The following MEGF10 variants were observed in gnomAD, a reference collection of about 807,000 sequenced individuals.
MEGF10 encodes the protein multiple EGF like domains 10.
A neutral mutation model predicts 147.5 loss-of-function variants in MEGF10; 86 were observed. That is an observed-to-expected ratio of 0.58 (90% CI 0.49 to 0.70). The LOEUF is 0.70. Among genes scored for constraint, MEGF10 ranks in the 30% least tolerant of loss-of-function variants. The probability of loss-of-function intolerance (pLI) is 0.00; values close to 1 mark genes in which losing one functional copy is unlikely to be tolerated. For missense variants in MEGF10, 1,329 were observed against 1,487.3 expected (o/e 0.89, Z 1.75); for synonymous variants, 478 against 525.5 (o/e 0.91, Z 1.24).
chr5:127,248,046 G>C, the MEGF10 span, among the ~76,000 whole-genome samples: 1 of 152,070 alleles, frequency 6.6e-6, no homozygotes, highest in African/African-American at 2.4e-5. Context: ...ACTGCTAAGA[G>C]ATATTGCAGT....
At chr5:127,292,814 G>A (rs1347850171) in intron 1 of MEGF10, among the ~76,000 whole-genome samples, 1 of 152,100 alleles carries the variant, frequency 6.6e-6, no homozygotes, top group Non-Finnish European at 1.5e-5. Flanking sequence ...TGTTCAGTAA[G>A]TATTTATTAA....
At chr5:127,252,786 A>G in the MEGF10 span, among the ~76,000 whole-genome samples, 1 of 151,970 alleles carries the variant, frequency 6.6e-6, no homozygotes, top group Non-Finnish European at 1.5e-5. Context: ...ATGAAACATA[A>G]TAGAAGAATA....
chr5:127,419,627 T>A (rs1764909929), intron 11 of MEGF10, among the ~76,000 whole-genome samples: 1 of 152,324 alleles, frequency 6.6e-6, no homozygotes, highest in African/African-American at 2.4e-5. Context: ...ATATACACAG[T>A]TGCTGGTTAA....
chr5:127,370,053 C>T (rs747591984), intron 5 of MEGF10, 51 bp downstream of exon 5: 2 of 1,406,494 alleles, frequency 1.4e-6, no homozygotes, highest in East Asian at 2.3e-5. Context: ...GCTGTAAGGC[C>T]CTCCTTGTCT....
At chr5:127,243,365 T>G in the MEGF10 span, among the ~76,000 whole-genome samples, 2 of 152,178 alleles carry the variant, frequency 1.3e-5, no homozygotes, top group Non-Finnish European at 1.5e-5. Flanking sequence ...TCAAAATGTT[T>G]TTAGTAGGGG....
At chr5:127,410,675 G>A (rs1764524296) in intron 9 of MEGF10, 74 bp downstream of exon 9, 3 of 1,350,322 alleles carry the variant, frequency 2.2e-6, no homozygotes, top group South Asian at 2.5e-5. Context: ...TTGGAAGGAG[G>A]GATTGATAGA....
At chr5:127,319,656 A>T (rs1228121452) in intron 1 of MEGF10, among the ~76,000 whole-genome samples, 1 of 152,220 alleles carries the variant, frequency 6.6e-6, no homozygotes, top group Non-Finnish European at 1.5e-5. Context: ...GATTGAGTAG[A>T]CATAATTCAC....
the MEGF10 span, among the ~76,000 whole-genome samples, chr5:127,253,854 C>T: frequency 2.0e-5 from 3 of 152,010 alleles, no homozygotes; most frequent in African/African-American, 7.2e-5. Context: ...GATGTCAGTT[C>T]TCCTTAAATT....
chr5:127,238,869 G>GT, the MEGF10 span, among the ~76,000 whole-genome samples: 1,382 of 152,192 alleles, frequency 9.1e-3, 30 homozygotes, highest in African/African-American at 0.032. Flanking sequence ...GTCCTTGTCT[G>GT]GTTTCCACAG....
chr5:127,457,114 C>A lies in MEGF10; in HGVS notation c.3233-14C>A. 6.3e-7 allele frequency: 1 copy of A among 1,586,990 alleles called. No individual in the cohort carries two copies. The highest frequency in any genetic ancestry group is 8.6e-7 in the Non-Finnish European group (1 of 1,167,286). On this transcript the variant is annotated splice_polypyrimidine_tract_variant and intron_variant, in intron 24 of 24. Coordinates refer to ENST00000503335, the MANE Select transcript of MEGF10 (RefSeq NM_001256545.2). ...TCCTTTGCTGATAAATTAATATGTCCTTGGTTATCACAGAACCTACAGTGA... is the reference window on the plus strand; with the variant it reads ...TCCTTTGCTGATAAATTAATATGTCATTGGTTATCACAGAACCTACAGTGA...
At chr5:127,252,877 T>C in the MEGF10 span, among the ~76,000 whole-genome samples, 1 of 152,052 alleles carries the variant, frequency 6.6e-6, no homozygotes, top group East Asian at 1.9e-4. Context: ...CCTATGACTT[T>C]AGCACTGTTT....
chr5:127,310,725 G>A (rs1329685185), intron 1 of MEGF10, among the ~76,000 whole-genome samples: 1 of 152,190 alleles, frequency 6.6e-6, no homozygotes, highest in Non-Finnish European at 1.5e-5. Context: ...AGAAAAGAGG[G>A]AGTGAGGGAA....
the MEGF10 span, among the ~76,000 whole-genome samples, chr5:127,264,145 G>T: frequency 6.6e-6 from 1 of 152,056 alleles, no homozygotes; most frequent in Non-Finnish European, 1.5e-5. Flanking sequence ...TATAAATAAG[G>T]TACTTTTTAA....
chr5:127,266,274 G>A, the MEGF10 span, among the ~76,000 whole-genome samples: 100 of 151,728 alleles, frequency 6.6e-4, 1 homozygote, highest in Non-Finnish European at 1.3e-3. Context: ...TGTTCCATTG[G>A]TCTATATCTC....
the MEGF10 span, among the ~76,000 whole-genome samples, chr5:127,264,016 T>C: frequency 6.6e-6 from 1 of 152,102 alleles, no homozygotes; most frequent in Non-Finnish European, 1.5e-5. Context: ...AGACAAATAA[T>C]ATTCCTCACC....
chr5:127,454,145 T>C (rs1366474634), intron 22 of MEGF10, among the ~76,000 whole-genome samples: 2 of 152,234 alleles, frequency 1.3e-5, no homozygotes, highest in Admixed American at 1.3e-4. Context: ...AACATGCTTA[T>C]AGTGAAGACA....
intron 5 of MEGF10, among the ~76,000 whole-genome samples, chr5:127,394,935 G>T (rs968415456): frequency 9.9e-5 from 15 of 152,154 alleles, no homozygotes; most frequent in African/African-American, 3.4e-4. Context: ...TTGATATTAT[G>T]AAATCCAAGG....
At chr5:127,452,236 TG>T (rs1255089983) in intron 22 of MEGF10, among the ~76,000 whole-genome samples, 2 of 152,236 alleles carry the variant, frequency 1.3e-5, no homozygotes, top group Non-Finnish European at 2.9e-5. Flanking sequence ...TGCTCCATGC[TG>T]GTTCTCTCTT....
intron 6 of MEGF10, among the ~76,000 whole-genome samples, chr5:127,397,969 A>T (rs879553539): frequency 1.3e-5 from 2 of 152,068 alleles, no homozygotes; most frequent in African/African-American, 4.8e-5. Flanking sequence ...ACAGGAACAG[A>T]AAACCAAACA....
Sources: allele counts gnomAD v4.1 joint callset (sites outside exome capture counted in the v4.1 genomes callset), GRCh38; gene constraint gnomAD v4.1.1; transcripts MANE v1.5; gene names NCBI Gene and HGNC (gene_info 2026-07-23, HGNC 2026-07-21).